The following C5AR1 variants were observed in gnomAD, a reference collection of about 807,000 sequenced individuals.
The protein encoded by C5AR1 is complement C5a receptor 1.
C5AR1 carries 4 observed loss-of-function variants against 2.4 expected under a neutral mutation model. The ratio of observed to expected loss-of-function variants is 1.65; its 90% CI spans 0.81 to 3.77. The LOEUF (loss-of-function observed/expected upper bound fraction) is 3.77, where lower values mean the gene tolerates loss of function less well. Ranked by LOEUF, C5AR1 falls within the 30% of genes most tolerant of loss-of-function variation. The probability of loss-of-function intolerance (pLI) is 0.01; values close to 1 mark genes in which losing one functional copy is unlikely to be tolerated. For missense variants in C5AR1, 418 were observed against 462.5 expected, an observed-to-expected ratio of 0.90 and a Z score of 0.88; for synonymous variants, 209 against 210.4, an observed-to-expected ratio of 0.99 and a Z score of 0.06.
intron 1 of C5AR1, among the ~76,000 whole-genome samples, chr19:47,310,808 T>C (rs2122127823): frequency 6.6e-6 from 1 of 152,350 alleles, no homozygotes; most frequent in Non-Finnish European, 1.5e-5. Context: ...GTTTGAGATG[T>C]TCTGCATGAC....
At chr19:47,311,469 A>G (rs1443073873) in intron 1 of C5AR1, among the ~76,000 whole-genome samples, 1 of 151,508 alleles carries the variant, frequency 6.6e-6, no homozygotes, top group East Asian at 1.9e-4. Flanking sequence ...AGATTGCTCT[A>G]CTGCACTCCA....
At chr19:47,309,965 G>C in intron 1 of C5AR1, 67 bp downstream of exon 1, 4 of 1,541,318 alleles carry the variant, frequency 2.6e-6, no homozygotes, top group Non-Finnish European at 3.6e-6. Context: ...TGCTCCAGTG[G>C]GTCCTTCTCT....
intron 1 of C5AR1, among the ~76,000 whole-genome samples, chr19:47,315,893 A>G (rs773232000): frequency 6.6e-6 from 1 of 151,936 alleles, no homozygotes; most frequent in African/African-American, 2.4e-5. Context: ...ATACATATAC[A>G]TTTTACCTAG....
intron 1 of C5AR1, among the ~76,000 whole-genome samples, chr19:47,316,092 A>G (rs907115290): frequency 2.6e-5 from 4 of 150,956 alleles, no homozygotes; most frequent in African/African-American, 9.8e-5. Flanking sequence ...TGCAACCTCC[A>G]CCTCCCAGGT....
rs761239247 is a variant in C5AR1, at chr19:47,320,189, G to T, written c.412G>T (p.Val138Leu). The change falls in exon 2 of 2, where the codon GTG becomes TTG. Residue 138 changes from valine (V) to leucine (L), a missense_variant. By Grantham distance (32) the Val-to-Leu change is conservative. Transcript: ENST00000355085. The surrounding 1 kb of genome is among the most constrained non-coding windows in gnomAD (Gnocchi z 4.9). The stretch of plus-strand genomic sequence containing the variant: ...CATCAGCGCCGACCGCTTTCTGCTG[G>T]TGTTTAAACCCATCTGGTGCCAGAA... ...ATISADRFLL[V>L]FKPIWCQNFR... 6 of 1,614,210 alleles carry T rather than the reference G, an allele frequency of 3.7e-6. No individual in the cohort carries two copies. Among genetic ancestry groups the T allele is most frequent in the Non-Finnish European group, 5.1e-6 (6 of 1,180,038 alleles).
At chr19:47,311,316 C>A (rs1159859455) in intron 1 of C5AR1, among the ~76,000 whole-genome samples, 3 of 151,962 alleles carry the variant, frequency 2.0e-5, no homozygotes, top group Non-Finnish European at 4.4e-5. Context: ...TTGAGACCAT[C>A]CTGGCCAACA....
In C5AR1 at chr19:47,309,866, C is replaced by A. The variant is rs200043362; in HGVS notation, c.-30C>A. The A allele has an allele frequency of 6.2e-7, 1 of 1,611,962 alleles. No homozygotes were observed. Among genetic ancestry groups the A allele is most frequent in the Non-Finnish European group, 8.5e-7 (1 of 1,178,976 alleles). ...ACAGCCCTTGGGCAGGAGGGACCTT[C>A]GATCCTCGGGGAGCCCAGGAGACCA... On this transcript the variant is annotated 5_prime_UTR_variant, in exon 1 of 2. Transcript: ENST00000355085.
intron 1 of C5AR1, among the ~76,000 whole-genome samples, chr19:47,315,612 A>G (rs1378288951): frequency 6.6e-6 from 1 of 152,046 alleles, no homozygotes. Flanking sequence ...ATATTTAACA[A>G]TGTGCTAAAG....
At chr19:47,309,310 C>T (rs2059262831), upstream of C5AR1, among the ~76,000 whole-genome samples, 1 of 152,094 alleles carries the variant, frequency 6.6e-6, no homozygotes, top group South Asian at 2.1e-4. Context: ...CGCAGTGGCT[C>T]ACACTTGTAA....
chr19:47,308,900 A>G (rs544399316), upstream of C5AR1, among the ~76,000 whole-genome samples: 9 of 150,182 alleles, frequency 6.0e-5, no homozygotes, highest in African/African-American at 2.2e-4. Flanking sequence ...TCAGCTTCCC[A>G]AGTAGCTGGG....
chr19:47,320,509 G>C lies in C5AR1; in HGVS notation c.732G>C (p.Val244=). 2.5e-6 allele frequency: 4 copies of C among 1,613,876 alleles called. No homozygotes were observed. The highest frequency in any genetic ancestry group is 3.4e-6 in the Non-Finnish European group (4 of 1,179,990). Residue 244 remains valine, a synonymous_variant, in exon 2 of 2, where the codon GTG becomes GTC. Transcript: ENST00000355085. The surrounding 1 kb of genome is among the most constrained non-coding windows in gnomAD (Gnocchi z 4.9). ...ATRSTKTLKV[V]VAVVASFFIF... is the part of the protein sequence containing the mutation. ...GGTCCACCAAGACACTCAAGGTGGT[G>C]GTGGCAGTGGTGGCCAGTTTCTTTA...
intron 1 of C5AR1, among the ~76,000 whole-genome samples, chr19:47,316,108 C>T (rs941167691): frequency 1.3e-5 from 2 of 151,434 alleles, no homozygotes; most frequent in Non-Finnish European, 3.0e-5. Flanking sequence ...CAGGTTCAAG[C>T]GATTCTCCTG....
intron 1 of C5AR1, among the ~76,000 whole-genome samples, chr19:47,311,529 C>T (rs1327907009): frequency 6.6e-6 from 1 of 151,178 alleles, no homozygotes; most frequent in Non-Finnish European, 1.5e-5. Flanking sequence ...AAAAAAAACT[C>T]ATTCTCCCTG....
At chr19:47,318,652 A>G (rs1225708905) in intron 1 of C5AR1, among the ~76,000 whole-genome samples, 15 of 152,078 alleles carry the variant, frequency 9.9e-5, no homozygotes, top group Non-Finnish European at 2.1e-4. Context: ...GAAAGAGCAA[A>G]TTCCATGCCG....
In C5AR1 at chr19:47,319,953, T is replaced by G; in HGVS notation, c.176T>G (p.Val59Gly). The G allele has an allele frequency of 6.2e-7, 1 of 1,614,210 alleles. No homozygotes were observed. The highest frequency in any genetic ancestry group is 8.5e-7 in the Non-Finnish European group (1 of 1,180,044). Residue 59 changes from valine (V) to glycine (G), a missense_variant, in exon 2 of 2, where the codon GTC (valine) becomes GGC (glycine). Transcript: ENST00000355085. ...LVGVLGNALV[V>G]WVTAFEAKRT... ...GGAGTGCTGGGCAATGCCCTGGTGG[T>G]CTGGGTGACGGCATTCGAGGCCAAG...
chr19:47,319,500 G>A (rs999704729), intron 1 of C5AR1, among the ~76,000 whole-genome samples: 8 of 151,464 alleles, frequency 5.3e-5, no homozygotes, highest in Non-Finnish European at 1.2e-4. Context: ...GTAGAGACGG[G>A]GTTTTGCCAT....
Position 47,321,062 on chromosome 19 carries a change from C to A in C5AR1, c.*232C>A, listed in dbSNP as rs1460524876. On this transcript the variant is annotated 3_prime_UTR_variant, in exon 2 of 2. Transcript: ENST00000355085. ...GGGAGCACCCTCCCACCCCCCACCC[C>A]CCCCACACACACCATCTTTCCATCC... 1.2e-5 allele frequency: 3 copies of A among 242,244 alleles called. No individual in the cohort carries two copies. Among genetic ancestry groups the A allele is most frequent in the Non-Finnish European group, 2.1e-5 (3 of 142,832 alleles). 15.0% of individuals were successfully genotyped at this position (242,244 alleles called of 1,614,324 possible). A position where few individuals can be genotyped will look rare whatever the true frequency, so the allele number is the denominator to read the frequency against.
chr19:47,311,282 C>T (rs1002776702), intron 1 of C5AR1, among the ~76,000 whole-genome samples: 9 of 151,954 alleles, frequency 5.9e-5, no homozygotes, highest in African/African-American at 1.4e-4. Context: ...GAGACTGAGG[C>T]GGGCGGATCA....
intron 1 of C5AR1, among the ~76,000 whole-genome samples, chr19:47,317,648 A>T (rs1167877027): frequency 6.6e-6 from 1 of 151,700 alleles, no homozygotes; most frequent in Non-Finnish European, 1.5e-5. Flanking sequence ...GTGCTTAGGC[A>T]TTTTTCATCT....
Sources: allele counts gnomAD v4.1 joint callset (sites outside exome capture counted in the v4.1 genomes callset), GRCh38; gene constraint gnomAD v4.1.1; non-coding constraint Gnocchi (gnomAD v3.1); transcripts MANE v1.5; gene names NCBI Gene and HGNC (gene_info 2026-07-23, HGNC 2026-07-21).